Variants in GPHN observed in about 807,000 individuals in gnomAD.
GPHN encodes the protein gephyrin.
GPHN carries 17 observed loss-of-function variants against 95.5 expected under a neutral mutation model. That is an observed-to-expected ratio of 0.18 (90% confidence interval 0.12 to 0.27). GPHN has a LOEUF of 0.27. Among genes scored for constraint, GPHN ranks in the 10% least tolerant of loss-of-function variants. GPHN has a pLI of 1.00. For missense variants in GPHN, 660 were observed against 978.1 expected (o/e 0.67, Z 4.34); for synonymous variants, 320 against 322.5 (o/e 0.99, Z 0.08).
At chr14:67,732,612 T>C in the GPHN span, among the ~76,000 whole-genome samples, 1 of 152,000 alleles carries the variant, frequency 6.6e-6, no homozygotes, top group South Asian at 2.1e-4. Flanking sequence ...GTTTCGGTCT[T>C]GTCGCCCAGG....
chr14:67,501,044 TTAATAA>T, the GPHN span, among the ~76,000 whole-genome samples: 7,555 of 137,310 alleles, frequency 0.055, 221 homozygotes, highest in African/African-American at 0.07. Context: ...TACTTGGGGG[TTAATAA>T]TAATAATAAT....
chr14:67,729,543 A>G, the GPHN span: 2 of 712,124 alleles, frequency 2.8e-6, no homozygotes, highest in East Asian at 2.7e-5. Flanking sequence ...GGAAACTTAC[A>G]GTACAAACTT....
At chr14:67,582,424 C>A in the GPHN span, 1 of 781,832 alleles carries the variant, frequency 1.3e-6, no homozygotes, top group South Asian at 1.8e-5. This position sits in a 1 kb window ranked among gnomAD's most constrained non-coding sequence, Gnocchi z 5.0. Flanking sequence ...GACTTGGAAT[C>A]CAGAGACCTG....
chr14:66,955,406 T>G (rs2068422283), intron 8 of GPHN, among the ~76,000 whole-genome samples: 1 of 152,202 alleles, frequency 6.6e-6, no homozygotes, highest in Admixed American at 6.5e-5. Context: ...TTCCTAGTAT[T>G]TAATTATTAT....
At chr14:67,236,480 G>A in the GPHN span, among the ~76,000 whole-genome samples, 1 of 152,050 alleles carries the variant, frequency 6.6e-6, no homozygotes, top group African/African-American at 2.4e-5. Flanking sequence ...GTTCCTCTAG[G>A]ATAAGGACTG....
At position 67,063,935 on chromosome 14, in the gene GPHN, C is replaced by A. The variant is rs1047404373; in HGVS notation, c.1144+5149C>A. ...GAATACCTTTTATTTCTTTCTTTTG[C>A]CTGATTGTCCCTGGCCAGAACTTCC... On this transcript the variant is annotated intron_variant, in intron 11 of 22. Transcript: ENST00000478722. Among the ~76,000 whole-genome samples the A allele has an allele frequency of 3.9e-5, 6 of 152,018 alleles. No homozygotes were observed. In the East Asian group the frequency reaches 1.2e-3, roughly 29 times the overall value.
At chr14:66,926,115 A>G (rs1238878402) in intron 8 of GPHN, among the ~76,000 whole-genome samples, 1 of 152,006 alleles carries the variant, frequency 6.6e-6, no homozygotes, top group Non-Finnish European at 1.5e-5. Context: ...GTTTTTTCCT[A>G]TAGAGTTGTT....
chr14:66,883,715 T>A (rs950096345), intron 5 of GPHN, among the ~76,000 whole-genome samples: 2 of 152,120 alleles, frequency 1.3e-5, no homozygotes, highest in Non-Finnish European at 2.9e-5. Context: ...TCTCACTTTC[T>A]GTGGGTAGTG....
chr14:66,656,937 C>T (rs1474155205), intron 1 of GPHN, among the ~76,000 whole-genome samples: 1 of 152,134 alleles, frequency 6.6e-6, no homozygotes, highest in Non-Finnish European at 1.5e-5. Context: ...ATATCTCTCA[C>T]TTTAAGTGAA....
the GPHN span, chr14:67,337,590 A>T: frequency 6.6e-6 from 1 of 152,188 alleles, no homozygotes; most frequent in African/African-American, 2.4e-5. Flanking sequence ...TAATAAAGAC[A>T]GTGTCACAAT....
chr14:67,448,449 A>G, the GPHN span, among the ~76,000 whole-genome samples: 1 of 152,114 alleles, frequency 6.6e-6, no homozygotes, highest in Non-Finnish European at 1.5e-5. Flanking sequence ...AGGTATTCAA[A>G]AACAAACATC....
intron 8 of GPHN, among the ~76,000 whole-genome samples, chr14:66,962,203 A>C (rs905336177): frequency 6.7e-6 from 1 of 149,784 alleles, no homozygotes; most frequent in Admixed American, 6.6e-5. Context: ...CTAATTCTTC[A>C]CCCTTTTTCT....
At chr14:66,789,365 A>C (rs1332423686) in intron 3 of GPHN, among the ~76,000 whole-genome samples, 1 of 152,234 alleles carries the variant, frequency 6.6e-6, no homozygotes, top group East Asian at 1.9e-4. Context: ...TTACAATGTT[A>C]ACTCAGCAAT....
At chr14:67,569,609 G>GT in the GPHN span, 1 of 465,858 alleles carries the variant, frequency 2.1e-6, no homozygotes, top group Admixed American at 3.4e-5. Flanking sequence ...AACGAGGGCT[G>GT]TGGGGTGGTC....
chr14:66,880,135 G>A (rs539395598), intron 5 of GPHN, 102 bp downstream of exon 5: 140 of 754,820 alleles, frequency 1.9e-4, no homozygotes, highest in Non-Finnish European at 3.0e-4. Context: ...TATTAAATGA[G>A]CTAGTCCACA....
chr14:67,573,824 A>C, the GPHN span: 2 of 1,613,480 alleles, frequency 1.2e-6, no homozygotes, highest in Non-Finnish European at 1.7e-6. This position sits in a 1 kb window ranked among gnomAD's most constrained non-coding sequence, Gnocchi z 4.8. Flanking sequence ...GGAAACCTCA[A>C]GGCCAAGTGG....
chr14:66,638,384 A>G (rs2153350144), intron 1 of GPHN, among the ~76,000 whole-genome samples: 1 of 152,220 alleles, frequency 6.6e-6, no homozygotes, highest in African/African-American at 2.4e-5. Context: ...CAGTGAGCTG[A>G]GATGGCACCA....
chr14:67,403,041 G>T, the GPHN span, among the ~76,000 whole-genome samples: 3 of 152,204 alleles, frequency 2.0e-5, no homozygotes, highest in Non-Finnish European at 4.4e-5. Flanking sequence ...CTCACCAACA[G>T]TGTAGGAGGG....
At chr14:67,416,484 G>A in the GPHN span, among the ~76,000 whole-genome samples, 2 of 152,194 alleles carry the variant, frequency 1.3e-5, no homozygotes, top group African/African-American at 4.8e-5. Context: ...AAAAGATTGG[G>A]CAGAGGCAAA....
Sources: allele counts gnomAD v4.1 joint callset (sites outside exome capture counted in the v4.1 genomes callset), GRCh38; gene constraint gnomAD v4.1.1; non-coding constraint Gnocchi (gnomAD v3.1); transcripts MANE v1.5; gene names NCBI Gene and HGNC (gene_info 2026-07-23, HGNC 2026-07-21).